The following CLYBL variants were observed in gnomAD, a reference collection of about 807,000 sequenced individuals.
CLYBL encodes citramalyl-CoA lyase, also known as citramalyl-CoA lyase, mitochondrial.
In CLYBL, 31 loss-of-function variants were observed where a neutral mutation model predicts 38.9. The ratio of observed to expected loss-of-function variants is 0.80; its 90% CI spans 0.60 to 1.08. The LOEUF (loss-of-function observed/expected upper bound fraction) is 1.08, where lower values mean the gene tolerates loss of function less well. Among genes scored for constraint, CLYBL ranks in the 50% least tolerant of loss-of-function variants. CLYBL has a pLI of 0.00. For synonymous variants in CLYBL, 171 were observed against 158.6 expected (o/e 1.08, Z -0.59); for missense variants, 434 against 411.6 (o/e 1.05, Z -0.47).
At chr13:99,819,867 A>G (rs1177469325) in intron 2 of CLYBL, among the ~76,000 whole-genome samples, 1 of 152,164 alleles carries the variant, frequency 6.6e-6, no homozygotes, top group Non-Finnish European at 1.5e-5. Context: ...ATTGATTCGA[A>G]TGCTAATGTC....
chr13:99,647,920 C>T (rs1269604308), intron 1 of CLYBL, among the ~76,000 whole-genome samples: 1 of 152,020 alleles, frequency 6.6e-6, no homozygotes, highest in Non-Finnish European at 1.5e-5. Flanking sequence ...TGAGAGAAAA[C>T]TTCAGTGGCT....
intron 3 of CLYBL, among the ~76,000 whole-genome samples, chr13:99,861,724 C>T (rs982099355): frequency 6.6e-6 from 1 of 151,930 alleles, no homozygotes; most frequent in Non-Finnish European, 1.5e-5. Context: ...TTTATTTTAG[C>T]CTAATTGTAA....
At chr13:99,826,904 T>C (rs1413376458) in intron 2 of CLYBL, among the ~76,000 whole-genome samples, 1 of 152,174 alleles carries the variant, frequency 6.6e-6, no homozygotes, top group Non-Finnish European at 1.5e-5. Flanking sequence ...GGGACTCACG[T>C]TGTAAGCTTT....
At chr13:99,883,170 C>G (rs1009646738) in intron 7 of CLYBL, among the ~76,000 whole-genome samples, 1 of 152,138 alleles carries the variant, frequency 6.6e-6, no homozygotes, top group East Asian at 1.9e-4. Context: ...AGTCCAGCTT[C>G]GTCTAATAGA....
intron 7 of CLYBL, among the ~76,000 whole-genome samples, chr13:99,891,030 C>T (rs1323134765): frequency 6.6e-6 from 1 of 152,114 alleles, no homozygotes; most frequent in Non-Finnish European, 1.5e-5. Flanking sequence ...TTTCCTTCCA[C>T]AGCTGTTTTC....
chr13:99,608,792 A>G (rs1378515425), intron 1 of CLYBL, among the ~76,000 whole-genome samples: 1 of 137,682 alleles, frequency 7.3e-6, no homozygotes, highest in Non-Finnish European at 1.5e-5. Flanking sequence ...TGCCTCCATT[A>G]TTCTAATGAG....
chr13:99,633,210 CAAAAAAAAAAAAAA>C (rs59801603), intron 1 of CLYBL, among the ~76,000 whole-genome samples: 1 of 62,720 alleles, frequency 1.6e-5, no homozygotes, highest in African/African-American at 6.0e-5. Context: ...GATCCTGTCT[CAAAAAAAAAAAAAA>C]AAAAAAAAAA....
At chr13:99,682,928 G>A (rs1019776447) in intron 1 of CLYBL, among the ~76,000 whole-genome samples, 6 of 151,868 alleles carry the variant, frequency 4.0e-5, no homozygotes, top group African/African-American at 1.2e-4. Context: ...GTAGAGACGG[G>A]GGTTTCGCCA....
rs2052513850 is a variant in CLYBL, at chr13:99,892,519, A to G, written c.*101A>G. 1 of 152,574 alleles carries G rather than the reference A, an allele frequency of 6.6e-6. No individual in the cohort carries two copies. The highest frequency in any genetic ancestry group is 2.1e-4 in the South Asian group (1 of 4,824). 9.5% of individuals were successfully genotyped at this position (152,574 alleles called of 1,614,324 possible). On this transcript the variant is annotated 3_prime_UTR_variant, in exon 9 of 9. Coordinates refer to ENST00000339105, the MANE Select transcript of CLYBL (RefSeq NM_206808.5). Reference sequence around the variant, plus strand: ...GCCAATGAAGTTTGAAACACCAACAATCAGAGATTTTGTTTCTGTTCCTCA... The same window carrying G: ...GCCAATGAAGTTTGAAACACCAACAGTCAGAGATTTTGTTTCTGTTCCTCA...
intron 2 of CLYBL, among the ~76,000 whole-genome samples, chr13:99,796,037 G>A (rs2050015326): frequency 6.6e-6 from 1 of 152,072 alleles, no homozygotes; most frequent in South Asian, 2.1e-4. Context: ...GCCAGTAAGT[G>A]GAAAAAAACT....
chr13:99,606,798 C>G (rs954581009), intron 1 of CLYBL, 41 bp downstream of exon 1: 12 of 1,353,288 alleles, frequency 8.9e-6, no homozygotes, highest in African/African-American at 1.5e-5. Context: ...CGGCCCGGCT[C>G]GCCGCGGGTC....
downstream of CLYBL, among the ~76,000 whole-genome samples, chr13:99,900,936 T>A (rs1193998483): frequency 6.6e-6 from 1 of 152,150 alleles, no homozygotes. Flanking sequence ...CAGTGCCACC[T>A]CGCAATACAC....
intron 1 of CLYBL, among the ~76,000 whole-genome samples, chr13:99,763,365 T>A (rs1285586277): frequency 6.6e-6 from 1 of 152,152 alleles, no homozygotes; most frequent in Non-Finnish European, 1.5e-5. Flanking sequence ...TGATGAGGGT[T>A]TTGATCATAA....
rs150626344 is a variant in CLYBL at position 99,741,527 on chromosome 13, C to A, written c.63-31297C>A. Among the ~76,000 whole-genome samples the A allele has an allele frequency of 2.8e-3, 419 of 152,262 alleles. 8 individuals carry two copies. The highest frequency in any genetic ancestry group is 9.6e-3 in the African/African-American group (400 of 41,550). The stretch of plus-strand genomic sequence containing the variant: ...ACAGGAAATACCTCTCAACACAAAA[C>A]CATTTGAGCATATGTATCTTTTTTT... On this transcript the variant is annotated intron_variant, in intron 1 of 8. Coordinates refer to ENST00000339105, the MANE Select transcript of CLYBL (RefSeq NM_206808.5).
At chr13:99,684,450 T>C (rs1043104425) in intron 1 of CLYBL, among the ~76,000 whole-genome samples, 6 of 152,132 alleles carry the variant, frequency 3.9e-5, no homozygotes, top group Non-Finnish European at 7.4e-5. Flanking sequence ...CGCATGACTG[T>C]ATCTAAAAAC....
chr13:99,755,678 T>A (rs1452048930), intron 1 of CLYBL, among the ~76,000 whole-genome samples: 1 of 152,212 alleles, frequency 6.6e-6, no homozygotes, highest in African/African-American at 2.4e-5. Context: ...TTGCTGTGTC[T>A]GCTCTTCTCT....
chr13:99,874,323 C>T (rs945527670), intron 7 of CLYBL, among the ~76,000 whole-genome samples: 1 of 152,116 alleles, frequency 6.6e-6, no homozygotes, highest in African/African-American at 2.4e-5. Flanking sequence ...AACGTGCATA[C>T]CATTAATTAT....
At chr13:99,832,871 G>A (rs1340829956) in intron 2 of CLYBL, among the ~76,000 whole-genome samples, 4 of 147,848 alleles carry the variant, frequency 2.7e-5, no homozygotes, top group African/African-American at 1.0e-4. Flanking sequence ...GGGGAGAGAA[G>A]GAAGAAAAGA....
intron 1 of CLYBL, among the ~76,000 whole-genome samples, chr13:99,616,143 C>CTTTTTT (rs34142988): frequency 3.6e-5 from 3 of 83,816 alleles, no homozygotes; most frequent in African/African-American, 5.1e-5. Context: ...CCACGCCTGG[C>CTTTTTT]TTTTTTTTTT....
Sources: gnomAD v4.1 joint callset for allele counts (sites outside exome capture counted in the v4.1 genomes callset) on GRCh38, gnomAD v4.1.1 for gene constraint, MANE v1.5 for transcripts, NCBI Gene and HGNC (gene_info 2026-07-23, HGNC 2026-07-21) for gene names.